PPP2R2B: variants seen among roughly 807,000 people sequenced by gnomAD.
PPP2R2B encodes protein phosphatase 2 regulatory subunit Bbeta, also known as serine/threonine-protein phosphatase 2A 55 kDa regulatory subunit B beta isoform.
Under a neutral mutation model 46.0 loss-of-function variants are expected in PPP2R2B, and 5 were observed. That is an observed-to-expected ratio of 0.11 (90% CI 0.06 to 0.23). PPP2R2B has a LOEUF of 0.23. PPP2R2B is among the 10% of genes least tolerant of loss of function. The pLI, the probability that PPP2R2B is intolerant of heterozygous loss-of-function variation, is 1.00. For synonymous variants in PPP2R2B, 215 were observed against 206.7 expected, an observed-to-expected ratio of 1.04 and a Z score of -0.34; for missense variants, 367 against 575.0, an observed-to-expected ratio of 0.64 and a Z score of 3.70.
At chr5:146,867,182 T>C (rs1761360560) in intron 2 of PPP2R2B, among the ~76,000 whole-genome samples, 1 of 152,222 alleles carries the variant, frequency 6.6e-6, no homozygotes, top group South Asian at 2.1e-4. Context: ...ATATAAAAAT[T>C]GGGGAACAAT....
At chr5:146,935,427 A>G (rs1188611874) in intron 1 of PPP2R2B, among the ~76,000 whole-genome samples, 1 of 152,172 alleles carries the variant, frequency 6.6e-6, no homozygotes, top group Non-Finnish European at 1.5e-5. Flanking sequence ...AGCTTATGAT[A>G]TTTTATTATA....
At chr5:146,774,517 T>C (rs1291199889) in intron 2 of PPP2R2B, among the ~76,000 whole-genome samples, 1 of 150,868 alleles carries the variant, frequency 6.6e-6, no homozygotes, top group Non-Finnish European at 1.5e-5. Flanking sequence ...AAAAAATGGA[T>C]GTAAGAGAAT....
chr5:146,842,420 T>G (rs1582243867), intron 2 of PPP2R2B, among the ~76,000 whole-genome samples: 2 of 149,544 alleles, frequency 1.3e-5, no homozygotes, highest in East Asian at 2.0e-4. Flanking sequence ...AACCATACTC[T>G]AACCATAATT....
intron 9 of PPP2R2B, among the ~76,000 whole-genome samples, chr5:146,590,708 A>G (rs1449791678): frequency 6.6e-6 from 1 of 152,140 alleles, no homozygotes; most frequent in Non-Finnish European, 1.5e-5. Flanking sequence ...GCTTCATGGC[A>G]TCAGTGCAGT....
At chr5:147,011,337 C>T (rs1754723124) in intron 1 of PPP2R2B, among the ~76,000 whole-genome samples, 1 of 152,006 alleles carries the variant, frequency 6.6e-6, no homozygotes, top group Admixed American at 6.6e-5. Context: ...CCATTTTCTT[C>T]CATTGCTTAA....
intron 2 of PPP2R2B, among the ~76,000 whole-genome samples, chr5:146,785,836 T>C (rs1225462696): frequency 1.3e-5 from 2 of 152,122 alleles, no homozygotes; most frequent in African/African-American, 4.8e-5. Flanking sequence ...GTTGATCTCA[T>C]GGAGGTAGAT....
In PPP2R2B at chr5:146,590,189, T is replaced by A. The variant is rs780774280; in HGVS notation, c.1090A>T (p.Met364Leu). Residue 364 changes from methionine to leucine, a missense_variant, in exon 10 of 10, where the codon ATG (methionine) becomes TTG (leucine). Coordinates refer to ENST00000394411, the MANE Select transcript of PPP2R2B (RefSeq NM_181675.4). ...TCACGCTTGGTGTTTCTGTCGAACA[T>A]CCTGAAGAAGTTGTTGTAGGAGCCT... Reference protein sequence around the residue: ...MTGSYNNFFRMFDRNTKRDVT... With the variant: ...MTGSYNNFFRLFDRNTKRDVT... The A allele has an allele frequency of 6.2e-7, 1 of 1,613,610 alleles. No individual in the cohort carries two copies. The highest frequency in any genetic ancestry group is 1.1e-5 in the South Asian group (1 of 91,058).
intron 7 of PPP2R2B, among the ~76,000 whole-genome samples, chr5:146,608,813 C>A (rs915873514): frequency 1.3e-5 from 2 of 152,068 alleles, no homozygotes; most frequent in Non-Finnish European, 2.9e-5. Flanking sequence ...TAGCACAGTG[C>A]CTGGTACACT....
intron 2 of PPP2R2B, among the ~76,000 whole-genome samples, chr5:146,796,152 T>C (rs991589436): frequency 6.6e-6 from 1 of 152,174 alleles, no homozygotes; most frequent in Admixed American, 6.5e-5. Flanking sequence ...TGCAATGATA[T>C]GACATCTGAG....
intron 5 of PPP2R2B, among the ~76,000 whole-genome samples, chr5:146,670,474 C>T (rs1301572409): frequency 2.1e-5 from 2 of 96,012 alleles, no homozygotes; most frequent in South Asian, 3.6e-4. Context: ...TTTATGTGTA[C>T]TATTATTTAT....
intron 1 of PPP2R2B, among the ~76,000 whole-genome samples, chr5:147,006,737 C>A (rs1004910648): frequency 2.0e-5 from 3 of 152,162 alleles, no homozygotes; most frequent in African/African-American, 7.2e-5. Context: ...GTCCTCCTCA[C>A]TGCTGAGAAA....
At chr5:146,868,871 C>G (rs1053007620) in intron 2 of PPP2R2B, among the ~76,000 whole-genome samples, 2 of 152,252 alleles carry the variant, frequency 1.3e-5, no homozygotes, top group East Asian at 3.9e-4. Context: ...TCAGATAGAC[C>G]TGGATGTGAC....
chr5:146,735,050 A>G (rs1335504268), intron 2 of PPP2R2B, among the ~76,000 whole-genome samples: 1 of 152,220 alleles, frequency 6.6e-6, no homozygotes, highest in Non-Finnish European at 1.5e-5. Flanking sequence ...ATGAGAGGGA[A>G]AGGAGAGGTG....
chr5:147,007,560 A>G (rs1754504000), intron 1 of PPP2R2B, among the ~76,000 whole-genome samples: 1 of 152,204 alleles, frequency 6.6e-6, no homozygotes, highest in Non-Finnish European at 1.5e-5. Flanking sequence ...CAAACTGCTC[A>G]GGTCCCCTTC....
chr5:147,075,045 A>ATGC (rs1757722696), intron 2 of PPP2R2B, among the ~76,000 whole-genome samples: 2 of 152,340 alleles, frequency 1.3e-5, no homozygotes, highest in South Asian at 4.1e-4. Context: ...AAATGGTTAT[A>ATGC]TGCTGTAGCT....
intron 1 of PPP2R2B, among the ~76,000 whole-genome samples, chr5:146,921,415 T>C (rs1355331328): frequency 6.6e-6 from 1 of 152,168 alleles, no homozygotes; most frequent in Admixed American, 6.6e-5. Flanking sequence ...TCATCTCTCA[T>C]GTGAGGTGGG....
At chr5:147,056,939 C>T (rs1426349977), upstream of PPP2R2B, among the ~76,000 whole-genome samples, 4 of 152,084 alleles carry the variant, frequency 2.6e-5, no homozygotes, top group Non-Finnish European at 5.9e-5. Flanking sequence ...TTCAGAGGCA[C>T]AAGGAAATGA....
chr5:146,979,460 C>A (rs1753065465), intron 1 of PPP2R2B, among the ~76,000 whole-genome samples: 1 of 151,932 alleles, frequency 6.6e-6, no homozygotes, highest in Admixed American at 6.6e-5. Flanking sequence ...ATCCTCAGTG[C>A]CTACAGTAGT....
chr5:146,602,144 T>G (rs912852144), intron 7 of PPP2R2B, among the ~76,000 whole-genome samples: 3 of 152,218 alleles, frequency 2.0e-5, no homozygotes, highest in African/African-American at 4.8e-5. Flanking sequence ...AGCCCTATCA[T>G]GCTTGGTCTG....
Sources: gnomAD v4.1 joint callset for allele counts (sites outside exome capture counted in the v4.1 genomes callset) on GRCh38, gnomAD v4.1.1 for gene constraint, MANE v1.5 for transcripts, NCBI Gene and HGNC (gene_info 2026-07-23, HGNC 2026-07-21) for gene names.